Variants in NPAS3 observed in about 807,000 individuals in gnomAD.
NPAS3 encodes neuronal PAS domain protein 3, also known as neuronal PAS domain-containing protein 3.
NPAS3 carries 14 observed loss-of-function variants against 73.1 expected under a neutral mutation model. The ratio of observed to expected loss-of-function variants is 0.19; its 90% CI spans 0.13 to 0.30. The LOEUF (loss-of-function observed/expected upper bound fraction) is 0.30, where lower values mean the gene tolerates loss of function less well. NPAS3 is among the 10% of genes least tolerant of loss of function. The pLI is 1.00. For synonymous variants in NPAS3, 620 were observed against 541.5 expected, an observed-to-expected ratio of 1.14 and a Z score of -2.01; for missense variants, 1,096 against 1,250.0, an observed-to-expected ratio of 0.88 and a Z score of 1.86.
intron 3 of NPAS3, among the ~76,000 whole-genome samples, chr14:33,330,191 C>T (rs1201905888): frequency 2.0e-5 from 3 of 152,062 alleles, no homozygotes; most frequent in African/African-American, 7.2e-5. Context: ...TGCAGTGAGC[C>T]AAGATCACGC....
chr14:33,224,995 G>T (rs933194266), intron 3 of NPAS3, among the ~76,000 whole-genome samples: 1 of 151,678 alleles, frequency 6.6e-6, no homozygotes, highest in Non-Finnish European at 1.5e-5. Flanking sequence ...AATTCACTCT[G>T]ATGATAGAAA....
At chr14:33,330,542 C>A (rs2043937878) in intron 3 of NPAS3, among the ~76,000 whole-genome samples, 1 of 152,184 alleles carries the variant, frequency 6.6e-6, no homozygotes, top group African/African-American at 2.4e-5. Context: ...TCTTTAAGTT[C>A]ATAATTTCTT....
At chr14:33,781,073 T>A (rs536635812) in intron 9 of NPAS3, among the ~76,000 whole-genome samples, 11 of 152,300 alleles carry the variant, frequency 7.2e-5, no homozygotes, top group African/African-American at 2.6e-4. Context: ...TATTTAGCTA[T>A]CATGCTGTGG....
chr14:33,641,535 G>A (rs2058675415), intron 5 of NPAS3, among the ~76,000 whole-genome samples: 1 of 152,132 alleles, frequency 6.6e-6, no homozygotes, highest in Non-Finnish European at 1.5e-5. Flanking sequence ...GCTAGGGGGT[G>A]ATTCTTTTGA....
intron 3 of NPAS3, among the ~76,000 whole-genome samples, chr14:33,308,225 T>A (rs1464784601): frequency 1.3e-5 from 2 of 152,096 alleles, no homozygotes; most frequent in Non-Finnish European, 2.9e-5. Flanking sequence ...ACAAAGGCTG[T>A]GACAGTGAGA....
intron 3 of NPAS3, among the ~76,000 whole-genome samples, chr14:33,271,460 A>G (rs1275749581): frequency 6.6e-6 from 1 of 152,144 alleles, no homozygotes; most frequent in Non-Finnish European, 1.5e-5. Flanking sequence ...GGGGAGAAGG[A>G]GAGGCCAGAG....
intron 4 of NPAS3, among the ~76,000 whole-genome samples, chr14:33,479,003 G>T (rs1304791854): frequency 6.6e-6 from 1 of 152,100 alleles, no homozygotes; most frequent in Non-Finnish European, 1.5e-5. Flanking sequence ...TCACAGCTAG[G>T]CAGCTTTCCT....
intron 3 of NPAS3, among the ~76,000 whole-genome samples, chr14:33,217,894 A>G (rs1027776978): frequency 5.3e-5 from 8 of 152,194 alleles, no homozygotes; most frequent in African/African-American, 1.9e-4. Context: ...CTAGTGCTCT[A>G]TCACTTCTTG....
intron 5 of NPAS3, among the ~76,000 whole-genome samples, chr14:33,666,112 G>A (rs577100717): frequency 6.6e-6 from 1 of 152,262 alleles, no homozygotes; most frequent in South Asian, 2.1e-4. Flanking sequence ...AAAGGAAGGG[G>A]AAAACGGTTA....
intron 5 of NPAS3, among the ~76,000 whole-genome samples, chr14:33,608,214 C>T (rs950732541): frequency 9.2e-5 from 14 of 152,142 alleles, no homozygotes; most frequent in African/African-American, 1.9e-4. Context: ...CTTTACATAA[C>T]GGACATTTGA....
At chr14:33,617,351 G>GA (rs2057950290) in intron 5 of NPAS3, among the ~76,000 whole-genome samples, 1 of 152,156 alleles carries the variant, frequency 6.6e-6, no homozygotes, top group Non-Finnish European at 1.5e-5. Context: ...AAGAGCAGTT[G>GA]AAGGCCATGG....
intron 3 of NPAS3, among the ~76,000 whole-genome samples, chr14:33,362,404 G>GA (rs1321077298): frequency 1.3e-5 from 2 of 152,162 alleles, no homozygotes; most frequent in Non-Finnish European, 2.9e-5. Context: ...GGGCTCCTGA[G>GA]AAAACCCTCC....
intron 1 of NPAS3, among the ~76,000 whole-genome samples, chr14:32,952,310 T>C (rs1443492309): frequency 6.6e-6 from 1 of 152,182 alleles, no homozygotes; most frequent in Non-Finnish European, 1.5e-5. Context: ...TAGACTTCCG[T>C]AACTCCTTTT....
chr14:33,778,669 G>T, intron 9 of NPAS3, 97 bp downstream of exon 9: 1 of 786,124 alleles, frequency 1.3e-6, no homozygotes, highest in Non-Finnish European at 2.2e-6. Flanking sequence ...CATCTTTCCT[G>T]TGTACATTTC....
intron 5 of NPAS3, among the ~76,000 whole-genome samples, chr14:33,647,293 T>G (rs1359338461): frequency 7.1e-6 from 1 of 140,182 alleles, no homozygotes; most frequent in African/African-American, 2.8e-5. Context: ...TCTCTCTCTA[T>G]ATATATATAT....
intron 2 of NPAS3, among the ~76,000 whole-genome samples, chr14:33,170,916 A>G (rs2045364433): frequency 1.3e-5 from 2 of 152,232 alleles, no homozygotes; most frequent in Non-Finnish European, 2.9e-5. Flanking sequence ...ACCTTCTCCC[A>G]TGAATCAAAC....
intron 7 of NPAS3, among the ~76,000 whole-genome samples, chr14:33,742,350 G>A (rs143090063): frequency 1.2e-4 from 19 of 152,292 alleles, no homozygotes; most frequent in African/African-American, 4.6e-4. Context: ...GATACTGTGG[G>A]TTTGGTTCCG....
chr14:33,754,479 G>A (rs983982312), intron 7 of NPAS3, among the ~76,000 whole-genome samples: 17 of 152,282 alleles, frequency 1.1e-4, no homozygotes, highest in African/African-American at 3.8e-4. Context: ...TTAGGAGCAG[G>A]GGAAGAATAG....
At chr14:33,118,004 A>C (rs1038606296) in intron 2 of NPAS3, among the ~76,000 whole-genome samples, 2 of 152,052 alleles carry the variant, frequency 1.3e-5, no homozygotes, top group African/African-American at 4.8e-5. Context: ...CTCTTCCATT[A>C]TTTCATCAAG....
Sources: gnomAD v4.1 joint callset for allele counts (sites outside exome capture counted in the v4.1 genomes callset) on GRCh38, gnomAD v4.1.1 for gene constraint, MANE v1.5 for transcripts, NCBI Gene and HGNC (gene_info 2026-07-23, HGNC 2026-07-21) for gene names.